Variants in EFHD1 observed in about 807,000 individuals in gnomAD.
The protein encoded by EFHD1 is EF-hand domain family member D1, also known as EF-hand domain-containing protein D1.
A neutral mutation model predicts 17.2 loss-of-function variants in EFHD1; 10 were observed. That is an observed-to-expected ratio of 0.58 (90% CI 0.36 to 0.99). The LOEUF is 0.99. Ranked by LOEUF, EFHD1 falls within the 50% of genes least tolerant of loss-of-function variation. EFHD1 has a pLI of 0.01. For synonymous variants in EFHD1, 153 were observed against 142.0 expected, an observed-to-expected ratio of 1.08 and a Z score of -0.55; for missense variants, 310 against 327.5, an observed-to-expected ratio of 0.95 and a Z score of 0.41.
chr2:232,641,654 G>A (rs1004671431), intron 1 of EFHD1, among the ~76,000 whole-genome samples: 1 of 152,276 alleles, frequency 6.6e-6, no homozygotes, highest in Non-Finnish European at 1.5e-5. Context: ...GGCATGGCAT[G>A]GCTGTGTTCC....
intron 1 of EFHD1, among the ~76,000 whole-genome samples, chr2:232,650,560 CTTTTTTT>C (rs71398730): frequency 2.1e-5 from 1 of 48,650 alleles, no homozygotes; most frequent in Non-Finnish European, 3.7e-5. Flanking sequence ...TCCCAAAGTG[CTTTTTTT>C]TTTTTTTTTT....
chr2:232,613,368 G>A (rs1008216384), intron 1 of EFHD1, among the ~76,000 whole-genome samples: 1 of 151,990 alleles, frequency 6.6e-6, no homozygotes, highest in Non-Finnish European at 1.5e-5. Context: ...AGGTTGCAGT[G>A]AGCCGAGATC....
At chr2:232,639,178 T>G (rs1430490983) in intron 1 of EFHD1, among the ~76,000 whole-genome samples, 4 of 152,144 alleles carry the variant, frequency 2.6e-5, no homozygotes, top group African/African-American at 9.7e-5. Flanking sequence ...CCACCATCCT[T>G]GTTACAGAGC....
intron 3 of EFHD1, among the ~76,000 whole-genome samples, chr2:232,676,351 T>C (rs937773764): frequency 6.6e-6 from 1 of 152,200 alleles, no homozygotes. Context: ...CACATCCTGT[T>C]TGACCGAACC....
chr2:232,647,705 C>T (rs1202242341), intron 1 of EFHD1, among the ~76,000 whole-genome samples: 3 of 147,596 alleles, frequency 2.0e-5, no homozygotes, highest in Non-Finnish European at 3.0e-5. Context: ...GGCATGATCT[C>T]GGCTCACTGA....
intron 1 of EFHD1, among the ~76,000 whole-genome samples, chr2:232,621,509 G>A (rs764738533): frequency 6.6e-6 from 1 of 152,098 alleles, no homozygotes; most frequent in Non-Finnish European, 1.5e-5. Context: ...CTAGAGTGCA[G>A]TGGCGCAATC....
intron 3 of EFHD1, among the ~76,000 whole-genome samples, chr2:232,675,565 G>A (rs1341101380): frequency 6.6e-6 from 1 of 152,162 alleles, no homozygotes. Context: ...ACGTGTAGTC[G>A]ATGGAGCTGT....
chr2:232,675,567 T>C (rs980657472), intron 3 of EFHD1, among the ~76,000 whole-genome samples: 5 of 152,152 alleles, frequency 3.3e-5, no homozygotes, highest in Middle Eastern at 3.2e-3. Context: ...GTGTAGTCGA[T>C]GGAGCTGTGA....
chr2:232,618,192 G>A (rs578115985), intron 1 of EFHD1, among the ~76,000 whole-genome samples: 2 of 151,320 alleles, frequency 1.3e-5, no homozygotes, highest in Admixed American at 1.3e-4. Flanking sequence ...GATAATTTTT[G>A]TACTTTTAGT....
intron 1 of EFHD1, among the ~76,000 whole-genome samples, chr2:232,628,144 T>C (rs984300628): frequency 2.0e-5 from 3 of 152,208 alleles, no homozygotes; most frequent in African/African-American, 7.2e-5. Flanking sequence ...TACTGCAACC[T>C]CTGCCTCCCA....
intron 1 of EFHD1, among the ~76,000 whole-genome samples, chr2:232,616,748 G>A (rs1693934746): frequency 6.6e-6 from 1 of 152,178 alleles, no homozygotes; most frequent in Middle Eastern, 3.2e-3. Flanking sequence ...AAGCTCTGGA[G>A]ATCTATTGCA....
chr2:232,627,036 C>CTCTCTCTA (rs1242284297), intron 1 of EFHD1, among the ~76,000 whole-genome samples: 42 of 112,672 alleles, frequency 3.7e-4, no homozygotes, highest in Non-Finnish European at 5.0e-4. Context: ...CTCTCTCTCT[C>CTCTCTCTA]TATATATATA....
chr2:232,653,585 C>T (rs532363384), intron 1 of EFHD1, among the ~76,000 whole-genome samples: 8 of 152,300 alleles, frequency 5.3e-5, no homozygotes, highest in African/African-American at 1.4e-4. Flanking sequence ...CCACCGCTCC[C>T]GGCCTGTGGT....
intron 3 of EFHD1, among the ~76,000 whole-genome samples, chr2:232,677,127 C>T (rs1204227286): frequency 6.6e-6 from 1 of 151,864 alleles, no homozygotes; most frequent in Non-Finnish European, 1.5e-5. Context: ...AATCCCAGCA[C>T]ATTGGGAGGC....
chr2:232,607,820 G>A (rs1281275442), intron 1 of EFHD1, among the ~76,000 whole-genome samples: 1 of 151,658 alleles, frequency 6.6e-6, no homozygotes, highest in African/African-American at 2.4e-5. Context: ...AGGGCCAGGC[G>A]TGGTGGCTCA....
chr2:232,631,755 A>G (rs1393159015), upstream of EFHD1, among the ~76,000 whole-genome samples: 1 of 150,562 alleles, frequency 6.6e-6, no homozygotes, highest in Non-Finnish European at 1.5e-5. Flanking sequence ...TAATCCCAGC[A>G]CTTCGGGAGG....
rs1486529135 is a variant in EFHD1 at position 232,650,564 on chromosome 2, T to TGAGCCACCATGCCCAGCTGCC, written c.303-12238_303-12237insGAGCCACCATGCCCAGCTGCC. 5.5e-4 allele frequency among the ~76,000 whole-genome samples: 11 copies of TGAGCCACCATGCCCAGCTGCC among 19,848 alleles called. 2 individuals carry two copies. In the African/African-American group the frequency reaches 6.5e-3, roughly 12 times the overall value. 13.0% of individuals were successfully genotyped at this position (19,848 alleles called of 152,430 possible). A position where few individuals can be genotyped will look rare whatever the true frequency, so the allele number is the denominator to read the frequency against. ...CCGCCTCGGCCTCCCAAAGTGCTTTTTTTTTTTTTTTTTTTTTTTTTTGAG... is the reference window on the plus strand; with the variant it reads ...CCGCCTCGGCCTCCCAAAGTGCTTTTGAGCCACCATGCCCAGCTGCCTTTTTTTTTTTTTTTTTTTTTTGAG... On this transcript the variant is annotated intron_variant, in intron 1 of 3. Transcript: ENST00000264059.
chr2:232,634,814 A>G (rs941534924), intron 1 of EFHD1, among the ~76,000 whole-genome samples: 1 of 152,350 alleles, frequency 6.6e-6, no homozygotes, highest in Admixed American at 6.5e-5. Context: ...TTAAGGCCGA[A>G]AAGTATTTTG....
chr2:232,674,699 A>T (rs946809208), intron 3 of EFHD1, among the ~76,000 whole-genome samples: 2 of 152,170 alleles, frequency 1.3e-5, no homozygotes, highest in African/African-American at 4.8e-5. Context: ...AAACATTTGC[A>T]TGGATGACAA....
Sources: allele counts gnomAD v4.1 joint callset (sites outside exome capture counted in the v4.1 genomes callset), GRCh38; gene constraint gnomAD v4.1.1; transcripts MANE v1.5; gene names NCBI Gene and HGNC (gene_info 2026-07-23, HGNC 2026-07-21).